Variants in ZNF790 observed in about 807,000 individuals in gnomAD.
ZNF790 encodes the protein zinc finger protein 790.
Under a neutral mutation model 12.1 loss-of-function variants are expected in ZNF790, and 8 were observed. The observed-to-expected ratio is 0.66, with a 90% CI of 0.39 to 1.19. The LOEUF is 1.19. ZNF790 is among the 50% of genes most tolerant of loss of function. The probability of loss-of-function intolerance (pLI) is 0.01; values close to 1 mark genes in which losing one functional copy is unlikely to be tolerated. For missense variants in ZNF790, 707 were observed against 752.2 expected, an observed-to-expected ratio of 0.94 and a Z score of 0.70; for synonymous variants, 252 against 244.3, an observed-to-expected ratio of 1.03 and a Z score of -0.29.
intron 1 of ZNF790, among the ~76,000 whole-genome samples, chr19:36,833,211 C>T (rs907813841): frequency 3.9e-5 from 6 of 152,174 alleles, no homozygotes; most frequent in Admixed American, 1.3e-4. Context: ...GGCACAATCT[C>T]GGCTCACTGC....
chr19:36,828,500 A>G (rs117961261), intron 1 of ZNF790, among the ~76,000 whole-genome samples: 2,015 of 151,862 alleles, frequency 0.013, 23 homozygotes, highest in East Asian at 0.059. Context: ...TTTTAGGGAC[A>G]GTGTCTCAAA....
Position 36,829,557 on chromosome 19 carries a change from C to G in ZNF790, c.-73-3865G>C, listed in dbSNP as rs190389931. Among the ~76,000 whole-genome samples the G allele has an allele frequency of 5.3e-5, 8 of 152,250 alleles. No homozygotes were observed. In the East Asian group the frequency reaches 1.5e-3, roughly 29 times the overall value. On this transcript the variant is annotated intron_variant, in intron 1 of 4. Transcript: ENST00000356725. ...CTATTAATGGACATTTGGGTTGTTT[C>G]CACCTTTTGACAATTACTATTATTT... is the stretch of plus-strand genomic sequence containing the variant.
At position 36,831,245 on chromosome 19, in the gene ZNF790, A is replaced by G. The variant is rs568270325; in HGVS notation, c.-73-5553T>C. On this transcript the variant is annotated intron_variant, in intron 1 of 4. Transcript: ENST00000356725. ...AAAAAAATCAGAGAAGATGAAAATC[A>G]TCACCCAACATTTCAGTCTGAATTA... is the stretch of plus-strand genomic sequence containing the variant. 1.6e-4 allele frequency among the ~76,000 whole-genome samples: 24 copies of G among 152,342 alleles called. No individual in the cohort carries two copies. In the East Asian group the frequency reaches 4.6e-3, roughly 29 times the overall value.
rs772363425 is a variant in ZNF790, at chr19:36,820,105, G to A, written c.239C>T (p.Ser80Leu). Residue 80 changes from serine to leucine, a missense_variant, in exon 5 of 5, where the codon TCG becomes TTG. By Grantham distance (145) the Ser-to-Leu change is moderately radical (BLOSUM62 -2). Transcript: ENST00000356725. ...TAATAACTTCTTGGTCTGACACCTC[G>A]ACTGCATGTCTGAAAAATAAGAAGG... ...ETRGPCPDMQ[S>L]RCQTKKLLPK... 37 of 1,600,252 alleles carry A rather than the reference G, an allele frequency of 2.3e-5. No individual in the cohort carries two copies. The highest frequency in any genetic ancestry group is 1.1e-4 in the East Asian group (5 of 44,812).
chr19:36,836,073 A>G (rs1012445918), intron 1 of ZNF790, among the ~76,000 whole-genome samples: 15 of 151,850 alleles, frequency 9.9e-5, no homozygotes, highest in African/African-American at 3.6e-4. Context: ...CCCCCCTTCT[A>G]TCTTAAGCTT....
intron 1 of ZNF790, among the ~76,000 whole-genome samples, chr19:36,827,030 A>G (rs1307802457): frequency 1.3e-5 from 2 of 149,920 alleles, no homozygotes; most frequent in African/African-American, 4.9e-5. Flanking sequence ...TGGGAAGAGA[A>G]GGGAAAATAT....
chr19:36,849,835 C>T (rs1467546539), intron 1 of ZNF790, among the ~76,000 whole-genome samples: 2 of 151,882 alleles, frequency 1.3e-5, no homozygotes, highest in African/African-American at 2.4e-5. Flanking sequence ...ATGACCTCCC[C>T]ACGCCCAAAG....
chr19:36,841,094 G>A (rs1336873861), upstream of ZNF790, among the ~76,000 whole-genome samples: 1 of 152,210 alleles, frequency 6.6e-6, no homozygotes, highest in Non-Finnish European at 1.5e-5. Flanking sequence ...AACCAGAGGT[G>A]ATTTTGTTCT....
chr19:36,845,546 T>A (rs992062909), intron 1 of ZNF790, among the ~76,000 whole-genome samples: 5 of 151,982 alleles, frequency 3.3e-5, no homozygotes, highest in Non-Finnish European at 7.4e-5. Flanking sequence ...ATAACAAAAA[T>A]AAAGCAAAAA....
chr19:36,834,230 C>G (rs1334178818), intron 1 of ZNF790, among the ~76,000 whole-genome samples: 1 of 116,044 alleles, frequency 8.6e-6, no homozygotes, highest in South Asian at 2.5e-4. Flanking sequence ...GCAACAAGAG[C>G]GAAACTCCAT....
At chr19:36,825,580 A>G (rs1171703124) in intron 2 of ZNF790, 31 bp downstream of exon 2, 8 of 1,609,834 alleles carry the variant, frequency 5.0e-6, no homozygotes, top group South Asian at 4.4e-5. Context: ...TAAATGGGTT[A>G]TATTTTTGGA....
intron 4 of ZNF790, among the ~76,000 whole-genome samples, chr19:36,821,839 G>A (rs944607658): frequency 1.3e-5 from 2 of 152,122 alleles, no homozygotes; most frequent in Admixed American, 6.5e-5. Flanking sequence ...CACCCGCCTC[G>A]GCCTTCTAAA....
At position 36,823,751 on chromosome 19, in the gene ZNF790, C is replaced by T; in HGVS notation, c.49G>A (p.Glu17Lys). The T allele has an allele frequency of 6.2e-7, 1 of 1,613,054 alleles. No individual in the cohort carries two copies. Among genetic ancestry groups the T allele is most frequent in the East Asian group, 2.2e-5 (1 of 44,846 alleles). ...TCCAGGTCCAGGCACTCCCACTCCT[C>T]CTGAGAGAAATCTACAGCCACATCC... The part of the protein sequence containing the change: ...FRDVAVDFSQ[E>K]EWECLDLEQR... The change falls in exon 3 of 5, where the codon GAG becomes AAG. Residue 17 changes from glutamate to lysine, a missense_variant. By Grantham distance (56) the Glu-to-Lys change is moderately conservative. Transcript: ENST00000356725.
At chr19:36,846,327 T>A (rs1299758799) in intron 1 of ZNF790, among the ~76,000 whole-genome samples, 1 of 151,792 alleles carries the variant, frequency 6.6e-6, no homozygotes, top group East Asian at 2.0e-4. Flanking sequence ...GGGAGGACGA[T>A]GCGGGCAGAT....
chr19:36,847,116 G>T (rs1309941738), intron 1 of ZNF790, among the ~76,000 whole-genome samples: 1 of 152,172 alleles, frequency 6.6e-6, no homozygotes, highest in African/African-American at 2.4e-5. Flanking sequence ...AGCACTTTGA[G>T]AGGCCAAGGC....
At chr19:36,842,509 GT>G, upstream of ZNF790, among the ~76,000 whole-genome samples, 1 of 151,920 alleles carries the variant, frequency 6.6e-6, no homozygotes, top group East Asian at 1.9e-4. Flanking sequence ...GAAATAATAA[GT>G]TTTAAATATT....
rs551296693 is a variant in ZNF790, at chr19:36,833,131, A to T, written c.-74+5206T>A. ...ATAAATCTAACAATATATGTAACATACAATATCTTTTGTTTGTTGGTTTGT... is the reference window on the plus strand; with the variant it reads ...ATAAATCTAACAATATATGTAACATTCAATATCTTTTGTTTGTTGGTTTGT... On this transcript the variant is annotated intron_variant, in intron 1 of 4. Transcript: ENST00000356725. Among the ~76,000 whole-genome samples, 6 of 152,290 alleles carry T rather than the reference A, an allele frequency of 3.9e-5. No individual in the cohort carries two copies. In the East Asian group the frequency reaches 9.6e-4, roughly 24 times the overall value.
At chr19:36,822,610 G>C (rs1210628112) in intron 4 of ZNF790, among the ~76,000 whole-genome samples, 3 of 152,192 alleles carry the variant, frequency 2.0e-5, no homozygotes, top group Non-Finnish European at 2.9e-5. Context: ...ATGCAGTCTT[G>C]GCTCACTGCA....
chr19:36,823,227 G>T, intron 4 of ZNF790, 58 bp downstream of exon 4: 2 of 1,459,662 alleles, frequency 1.4e-6, no homozygotes, highest in Non-Finnish European at 1.9e-6. Flanking sequence ...GCCTCACTGT[G>T]CAGCTGAGCT....
Sources: gnomAD v4.1 joint callset for allele counts (sites outside exome capture counted in the v4.1 genomes callset) on GRCh38, gnomAD v4.1.1 for gene constraint, MANE v1.5 for transcripts, NCBI Gene and HGNC (gene_info 2026-07-23, HGNC 2026-07-21) for gene names.